Variants in TRIM35 observed in about 807,000 individuals in gnomAD.
TRIM35 encodes tripartite motif containing 35.
TRIM35 carries 37 observed loss-of-function variants against 49.1 expected under a neutral mutation model. That is an observed-to-expected ratio of 0.75 (90% CI 0.58 to 0.99). The LOEUF is 0.99. TRIM35 is among the 50% of genes least tolerant of loss of function. TRIM35 has a pLI of 0.00. For synonymous variants in TRIM35, 302 were observed against 289.3 expected (o/e 1.04, Z -0.45); for missense variants, 648 against 702.7 (o/e 0.92, Z 0.88).
chr8:27,294,022 C>T (rs1221691377), intron 3 of TRIM35, 58 bp downstream of exon 3: 19 of 1,556,886 alleles, frequency 1.2e-5, no homozygotes, highest in Non-Finnish European at 1.4e-5. Context: ...GGCTATGGCT[C>T]CCAGCTGGTC....
At chr8:27,302,537 G>A (rs751005141) in intron 1 of TRIM35, among the ~76,000 whole-genome samples, 2 of 152,072 alleles carry the variant, frequency 1.3e-5, no homozygotes, top group East Asian at 3.9e-4. Context: ...CTCCCAAGTA[G>A]CTGGGACTAC....
chr8:27,294,344 A>C (rs774883695), intron 2 of TRIM35, 34 bp from the exon 3 acceptor site: 4 of 1,593,070 alleles, frequency 2.5e-6, no homozygotes. Flanking sequence ...CAGGGGTCAG[A>C]TGTGGAGAGG....
chr8:27,294,231 G>GCCTGCT lies in TRIM35; in HGVS notation c.605_610dup (p.Glu202_Gln203dup), dbSNP rs748232690. ...CTCCTCGGCCATGGCATCCAGAATG[G>GCCTGCT]CCTGCTCCTCCACTCTCAAGAACTC... On this transcript the variant is annotated inframe_insertion, in exon 3 of 6. Coordinates refer to ENST00000305364, the MANE Select transcript of TRIM35 (RefSeq NM_171982.5). The GCCTGCT allele has an allele frequency of 1.2e-6, 2 of 1,614,110 alleles. No homozygotes were observed. The highest frequency in any genetic ancestry group is 2.2e-5 in the South Asian group (2 of 91,082).
rs775878989 is a variant in TRIM35 at position 27,286,187 on chromosome 8, T to A, written c.*1363A>T. 72 of 456,092 alleles carry A rather than the reference T, an allele frequency of 1.6e-4. No homozygotes were observed. The highest frequency in any genetic ancestry group is 3.2e-4 in the Middle Eastern group (1 of 3,098). 28.3% of individuals were successfully genotyped at this position (456,092 alleles called of 1,614,324 possible). On this transcript the variant is annotated 3_prime_UTR_variant, in exon 6 of 6. Coordinates refer to ENST00000305364, the MANE Select transcript of TRIM35 (RefSeq NM_171982.5). ...TATGATGCCACTTCCTGGGACATGA[T>A]GAGCTGAAGATTAAAAACTCTTCAG...
Position 27,287,427 on chromosome 8 carries a change from G to A in TRIM35, c.*123C>T. On this transcript the variant is annotated 3_prime_UTR_variant, in exon 6 of 6. Coordinates refer to ENST00000305364, the MANE Select transcript of TRIM35 (RefSeq NM_171982.5). This position sits in a 1 kb window ranked among gnomAD's most constrained non-coding sequence, Gnocchi z 6.0. ...TGGAGTCATGGAAAAGGACCAGGCA[G>A]GACAGGAGGAAGAGCCTGGCAAGGA... 9.6e-7 allele frequency: 1 copy of A among 1,045,946 alleles called. No homozygotes were observed. Among genetic ancestry groups the A allele is most frequent in the Non-Finnish European group, 1.4e-6 (1 of 731,754 alleles). 64.8% of individuals were successfully genotyped at this position (1,045,946 alleles called of 1,614,324 possible).
In TRIM35 at chr8:27,288,091, C is replaced by G; in HGVS notation, c.941G>C (p.Trp314Ser). 1.9e-6 allele frequency: 3 copies of G among 1,610,564 alleles called. No homozygotes were observed. The highest frequency in any genetic ancestry group is 2.5e-6 in the Non-Finnish European group (3 of 1,179,896). ...FSFDPNTAAG[W>S]LSVSDDLTSV... is the part of the protein sequence containing the mutation. ...GGTGAGGTCGTCAGACACGGAGAGC[C>G]AGCCAGCTGCGGTGTTGGGGTCAAA... is the stretch of plus-strand genomic sequence containing the variant. Residue 314 changes from tryptophan to serine, a missense_variant, in exon 6 of 6, where the codon TGG (tryptophan) becomes TCG (serine). Trp to Ser is a radical substitution (Grantham distance 177). Transcript: ENST00000305364.
chr8:27,297,163 C>A (rs1436704264), intron 2 of TRIM35, among the ~76,000 whole-genome samples: 1 of 152,176 alleles, frequency 6.6e-6, no homozygotes, highest in Non-Finnish European at 1.5e-5. Flanking sequence ...GTAAACTCCA[C>A]AGCCAAATGT....
intron 2 of TRIM35, among the ~76,000 whole-genome samples, chr8:27,294,867 G>A (rs1015533119): frequency 6.6e-6 from 1 of 151,884 alleles, no homozygotes; most frequent in Non-Finnish European, 1.5e-5. Context: ...TTTCACCTAG[G>A]CTGGAGTGCA....
chr8:27,288,003 G>C lies in TRIM35; in HGVS notation c.1029C>G (p.Pro343=), dbSNP rs769940576. The C allele has an allele frequency of 2.5e-6, 4 of 1,613,620 alleles. No homozygotes were observed. The highest frequency in any genetic ancestry group is 1.7e-5 in the Admixed American group (1 of 60,022). ...VENPERFSSA[P]CLLGSRVFSQ... is the part of the protein sequence containing the mutation. ...AGAAGACACGGGAGCCCAGCAGGCA[G>C]GGCGCCGAGGAGAAGCGTTCCGGGT... The change falls in exon 6 of 6, where the codon CCC becomes CCG. Residue 343 remains proline, a synonymous_variant. Coordinates refer to ENST00000305364, the MANE Select transcript of TRIM35 (RefSeq NM_171982.5).
intron 5 of TRIM35, 114 bp from the exon 6 acceptor site, chr8:27,288,241 G>A (rs1586041795): frequency 9.7e-7 from 1 of 1,028,160 alleles, no homozygotes; most frequent in Non-Finnish European, 1.4e-6. Flanking sequence ...CCAAGTCCAT[G>A]CAAGGAGTGG....
chr8:27,287,441 G>A lies in TRIM35; in HGVS notation c.*109C>T. On this transcript the variant is annotated 3_prime_UTR_variant, in exon 6 of 6. Coordinates refer to ENST00000305364, the MANE Select transcript of TRIM35 (RefSeq NM_171982.5). This position sits in a 1 kb window ranked among gnomAD's most constrained non-coding sequence, Gnocchi z 6.0. ...AGGACCAGGCAGGACAGGAGGAAGA[G>A]CCTGGCAAGGAGGCAGGGGCGCAAT... The A allele has an allele frequency of 8.5e-7, 1 of 1,174,712 alleles. No individual in the cohort carries two copies. Among genetic ancestry groups the A allele is most frequent in the Non-Finnish European group, 1.2e-6 (1 of 847,432 alleles). The allele number at this position is 1,174,712 out of a possible 1,614,324, so 72.8% of individuals were successfully genotyped here. A position where few individuals can be genotyped will look rare whatever the true frequency, so the allele number is the denominator to read the frequency against.
chr8:27,296,261 C>A (rs1802564313), intron 2 of TRIM35, among the ~76,000 whole-genome samples: 1 of 151,540 alleles, frequency 6.6e-6, no homozygotes, highest in African/African-American at 2.4e-5. Flanking sequence ...CACCTGTCAA[C>A]CCATCACCTA....
At chr8:27,297,264 A>G (rs2130287660) in intron 2 of TRIM35, among the ~76,000 whole-genome samples, 1 of 152,314 alleles carries the variant, frequency 6.6e-6, no homozygotes, top group East Asian at 1.9e-4. Context: ...AGCAACCTGG[A>G]CCAGGCATGG....
chr8:27,297,548 A>G (rs147107219), intron 2 of TRIM35, among the ~76,000 whole-genome samples: 97 of 152,278 alleles, frequency 6.4e-4, no homozygotes, highest in Middle Eastern at 6.8e-3. Context: ...GAACTCCTCT[A>G]GATAACTGGC....
chr8:27,302,251 C>T (rs896250682), intron 1 of TRIM35, among the ~76,000 whole-genome samples: 3 of 152,160 alleles, frequency 2.0e-5, no homozygotes, highest in Non-Finnish European at 2.9e-5. Context: ...GGCTTAAATA[C>T]TGACTTTACT....
chr8:27,311,136 G>A lies in TRIM35; in HGVS notation c.100C>T (p.Leu34=). 1 of 1,603,600 alleles carries A rather than the reference G, an allele frequency of 6.2e-7. No homozygotes were observed. The highest frequency in any genetic ancestry group is 8.5e-7 in the Non-Finnish European group (1 of 1,176,326). Residue 34 remains leucine, a synonymous_variant, in exon 1 of 6, where the codon CTG becomes TTG. Coordinates refer to ENST00000305364, the MANE Select transcript of TRIM35 (RefSeq NM_171982.5). ...CYDPFRDAVT[L]RCGHNFCRGC... ...CGGCAGAAGTTGTGGCCGCAGCGCAGAGTGACTGCGTCGCGGAAGGGGTCG... is the reference window on the plus strand; with the variant it reads ...CGGCAGAAGTTGTGGCCGCAGCGCAAAGTGACTGCGTCGCGGAAGGGGTCG...
chr8:27,300,852 A>G (rs1425142813), intron 1 of TRIM35, among the ~76,000 whole-genome samples: 1 of 152,226 alleles, frequency 6.6e-6, no homozygotes, highest in African/African-American at 2.4e-5. Context: ...AATACAGTTC[A>G]AAAGGAAAAT....
At chr8:27,301,002 A>T (rs1802672500) in intron 1 of TRIM35, among the ~76,000 whole-genome samples, 1 of 152,220 alleles carries the variant, frequency 6.6e-6, no homozygotes, top group Admixed American at 6.5e-5. Context: ...TGGGACAATA[A>T]GGATGGGAAG....
intron 1 of TRIM35, among the ~76,000 whole-genome samples, chr8:27,306,256 G>C (rs548367795): frequency 2.0e-5 from 3 of 151,916 alleles, no homozygotes; most frequent in African/African-American, 4.8e-5. Flanking sequence ...TCCAAGCCAC[G>C]ACATAAACAG....
Sources: gnomAD v4.1 joint callset for allele counts (sites outside exome capture counted in the v4.1 genomes callset) on GRCh38, gnomAD v4.1.1 for gene constraint, Gnocchi (gnomAD v3.1) non-coding constraint, MANE v1.5 for transcripts, NCBI Gene and HGNC (gene_info 2026-07-23, HGNC 2026-07-21) for gene names.